EBF1: variants seen among roughly 807,000 people sequenced by gnomAD.
EBF1 encodes EBF transcription factor 1.
EBF1 carries 10 observed loss-of-function variants against 68.4 expected under a neutral mutation model. The ratio of observed to expected loss-of-function variants is 0.15; its 90% CI spans 0.09 to 0.25. EBF1 has a LOEUF of 0.25. Ranked by LOEUF, EBF1 falls within the 10% of genes least tolerant of loss-of-function variation. The probability of loss-of-function intolerance (pLI) is 1.00; values close to 1 mark genes in which losing one functional copy is unlikely to be tolerated. For synonymous variants in EBF1, 298 were observed against 299.8 expected (o/e 0.99, Z 0.06); for missense variants, 509 against 794.4 (o/e 0.64, Z 4.32).
At chr5:158,886,160 C>A (rs1799995601) in intron 6 of EBF1, among the ~76,000 whole-genome samples, 1 of 152,208 alleles carries the variant, frequency 6.6e-6, no homozygotes. Context: ...ATTGTCTATG[C>A]AGCCTGTTAG....
At position 159,058,625 on chromosome 5, in the gene EBF1, C is replaced by G. The variant is rs17056492; in HGVS notation, c.554+14771G>C. On this transcript the variant is annotated intron_variant, in intron 6 of 15. Coordinates refer to ENST00000313708, the MANE Select transcript of EBF1 (RefSeq NM_024007.5). ...AGTTCCAATAGACCTGAGATCTTTC[C>G]GGAAACCCAAAGGAACTGCCTCATT... Among the ~76,000 whole-genome samples, 946 of 152,258 alleles carry G rather than the reference C, an allele frequency of 6.2e-3. 10 individuals carry two copies. Among genetic ancestry groups the G allele is most frequent in the African/African-American group, 0.022 (902 of 41,546 alleles).
At position 158,969,908 on chromosome 5, in the gene EBF1, GAAAGAAAGAAAAAAAA is replaced by G. The variant is rs1264703547; in HGVS notation, c.554+103472_554+103487del. ...AGAAAGAAAGAAAGAAAGAAAGAAA[GAAAGAAAGAAAAAAAA>G]AAAAAAGGCTGCTGGAAGTTTTGCA... On this transcript the variant is annotated intron_variant, in intron 6 of 15. Transcript: ENST00000313708. Among the ~76,000 whole-genome samples, 335 of 104,818 alleles carry G rather than the reference GAAAGAAAGAAAAAAAA, an allele frequency of 3.2e-3. 13 individuals carry two copies. Among genetic ancestry groups the G allele is most frequent in the Middle Eastern group, 0.011 (2 of 190 alleles). The allele number at this position is 104,818 out of a possible 152,430, so 68.8% of individuals were successfully genotyped here.
intron 6 of EBF1, among the ~76,000 whole-genome samples, chr5:158,870,948 C>T (rs909565841): frequency 1.3e-5 from 2 of 152,128 alleles, no homozygotes; most frequent in African/African-American, 2.4e-5. Flanking sequence ...ACTCTTTGTA[C>T]GAAGCAGCAA....
chr5:159,081,611 C>T (rs1779750047), intron 5 of EBF1, among the ~76,000 whole-genome samples: 1 of 152,076 alleles, frequency 6.6e-6, no homozygotes, highest in Non-Finnish European at 1.5e-5. Flanking sequence ...CAGAATAAGC[C>T]AGTAACAGAG....
chr5:158,843,843 T>C (rs901325904), intron 6 of EBF1, among the ~76,000 whole-genome samples: 1 of 151,880 alleles, frequency 6.6e-6, no homozygotes, highest in Non-Finnish European at 1.5e-5. Context: ...GCACACGAAT[T>C]TGGGGGATGA....
chr5:158,883,616 C>T (rs1390421472), intron 6 of EBF1, among the ~76,000 whole-genome samples: 1 of 152,068 alleles, frequency 6.6e-6, no homozygotes, highest in Admixed American at 6.6e-5. Flanking sequence ...ATATTACAAA[C>T]ATTACCATCT....
intron 9 of EBF1, among the ~76,000 whole-genome samples, chr5:158,792,837 A>G (rs1778918901): frequency 6.6e-6 from 1 of 152,148 alleles, no homozygotes; most frequent in Non-Finnish European, 1.5e-5. Context: ...TCACAAACAT[A>G]TACAACTGGA....
rs1034162473 is a variant in EBF1 at position 158,833,128 on chromosome 5, C to A, written c.636+6901G>T. Among the ~76,000 whole-genome samples the A allele has an allele frequency of 2.6e-5, 4 of 151,836 alleles. No individual in the cohort carries two copies. In the East Asian group the frequency reaches 7.8e-4, roughly 29 times the overall value. ...CACCTACTTTAAGAGAGGTTGTCTC[C>A]CTTCTCTACTAAAAAAAAAATCTAA... On this transcript the variant is annotated intron_variant, in intron 7 of 15. Coordinates refer to ENST00000313708, the MANE Select transcript of EBF1 (RefSeq NM_024007.5).
chr5:158,814,094 C>T (rs770480225), intron 8 of EBF1, among the ~76,000 whole-genome samples: 1 of 152,112 alleles, frequency 6.6e-6, no homozygotes, highest in Non-Finnish European at 1.5e-5. Context: ...ACCTGTAATG[C>T]CAGCACTTTG....
At chr5:158,799,401 G>A (rs370417273) in intron 8 of EBF1, among the ~76,000 whole-genome samples, 6 of 150,912 alleles carry the variant, frequency 4.0e-5, no homozygotes, top group Middle Eastern at 3.4e-3. Flanking sequence ...CAGACAGAGT[G>A]AGACTCTGTC....
At chr5:158,811,128 G>T (rs1430176733) in intron 8 of EBF1, among the ~76,000 whole-genome samples, 3 of 152,102 alleles carry the variant, frequency 2.0e-5, no homozygotes, top group African/African-American at 7.2e-5. Flanking sequence ...ATTTCAAGTT[G>T]CAGGGCTGGC....
At chr5:158,995,067 C>T (rs898411134) in intron 6 of EBF1, among the ~76,000 whole-genome samples, 24 of 152,108 alleles carry the variant, frequency 1.6e-4, no homozygotes, top group African/African-American at 5.6e-4. Flanking sequence ...ATAAGGCATC[C>T]ACTTATATCC....
At chr5:158,703,001 T>G (rs1757093133) in intron 15 of EBF1, among the ~76,000 whole-genome samples, 1 of 152,174 alleles carries the variant, frequency 6.6e-6, no homozygotes, top group Non-Finnish European at 1.5e-5. Context: ...TTTTTAATTT[T>G]TCATGCGTAG....
intron 6 of EBF1, among the ~76,000 whole-genome samples, chr5:158,984,021 G>C (rs1485484664): frequency 6.6e-6 from 1 of 151,550 alleles, no homozygotes. Context: ...GCTGGTTACT[G>C]TTATAATATT....
chr5:159,092,016 A>T (rs1781741011), intron 4 of EBF1, among the ~76,000 whole-genome samples: 1 of 152,198 alleles, frequency 6.6e-6, no homozygotes, highest in East Asian at 1.9e-4. Flanking sequence ...GTAAGAGGGG[A>T]GATAAGCTAA....
At chr5:159,007,059 T>C (rs1763711146) in intron 6 of EBF1, among the ~76,000 whole-genome samples, 1 of 152,252 alleles carries the variant, frequency 6.6e-6, no homozygotes, top group Non-Finnish European at 1.5e-5. Context: ...GATTGGAATC[T>C]GTGATAATTC....
intron 6 of EBF1, among the ~76,000 whole-genome samples, chr5:158,881,818 G>A (rs1346445473): frequency 6.6e-6 from 1 of 152,126 alleles, no homozygotes; most frequent in African/African-American, 2.4e-5. Flanking sequence ...GGACTGGAAG[G>A]TTACACTGCA....
Position 158,796,489 on chromosome 5 carries a change from C to T in EBF1, c.779-14G>A. The T allele has an allele frequency of 6.2e-7, 1 of 1,606,738 alleles. No homozygotes were observed. On this transcript the variant is annotated splice_polypyrimidine_tract_variant and intron_variant, in intron 8 of 15. Transcript: ENST00000313708. ...TACAGGGAGTAGCTGCTTTTCAACA[C>T]ACATGAAAAAGAGAAGGAGTCTGCT...
At chr5:158,896,202 G>A (rs1001776439) in intron 6 of EBF1, among the ~76,000 whole-genome samples, 10 of 152,170 alleles carry the variant, frequency 6.6e-5, no homozygotes, top group South Asian at 4.1e-4. Context: ...CAAGGAATAC[G>A]GTACCATTCG....
Sources: gnomAD v4.1 joint callset for allele counts (sites outside exome capture counted in the v4.1 genomes callset) on GRCh38, gnomAD v4.1.1 for gene constraint, MANE v1.5 for transcripts, NCBI Gene and HGNC (gene_info 2026-07-23, HGNC 2026-07-21) for gene names.